The following JAKMIP3 variants were observed in gnomAD, a reference collection of about 807,000 sequenced individuals.
The protein encoded by JAKMIP3 is Janus kinase and microtubule interacting protein 3.
JAKMIP3 carries 58 observed loss-of-function variants against 118.5 expected under a neutral mutation model. That is an observed-to-expected ratio of 0.49 (90% CI 0.40 to 0.61). The LOEUF (loss-of-function observed/expected upper bound fraction) is 0.61. Ranked by LOEUF, JAKMIP3 falls within the 20% of genes least tolerant of loss-of-function variation. The pLI, the probability that JAKMIP3 is intolerant of heterozygous loss-of-function variation, is 0.00. For missense variants in JAKMIP3, 950 were observed against 1,109.0 expected, an observed-to-expected ratio of 0.86 and a Z score of 2.04; for synonymous variants, 486 against 451.2, an observed-to-expected ratio of 1.08 and a Z score of -0.98.
At chr10:132,053,831 G>A (rs551641971) in intron 1 of JAKMIP3, among the ~76,000 whole-genome samples, 9 of 152,074 alleles carry the variant, frequency 5.9e-5, no homozygotes, top group South Asian at 2.1e-4. Context: ...TCAGGAGATC[G>A]AGACCATCCT....
intron 2 of JAKMIP3, among the ~76,000 whole-genome samples, chr10:132,115,979 T>C (rs1352754855): frequency 6.6e-6 from 1 of 152,188 alleles, no homozygotes; most frequent in Non-Finnish European, 1.5e-5. Context: ...GCAAAGCCCT[T>C]GGCAGCAGAG....
chr10:132,080,503 ATTTTTTTTTTTTTTTTTTTTTTTTT>A (rs201838731), intron 1 of JAKMIP3, among the ~76,000 whole-genome samples: 1 of 61,578 alleles, frequency 1.6e-5, no homozygotes, highest in African/African-American at 7.0e-5. Context: ...AAGTTATAGG[ATTTTTTTTTTTTTTTTTTTTTTTTT>A]TTTTTTTTTT....
At chr10:132,103,103 T>G (rs935033892) in intron 1 of JAKMIP3, among the ~76,000 whole-genome samples, 1 of 152,048 alleles carries the variant, frequency 6.6e-6, no homozygotes, top group Non-Finnish European at 1.5e-5. Flanking sequence ...TGCTTGTCCC[T>G]TCTATCCTGG....
intron 23 of JAKMIP3, among the ~76,000 whole-genome samples, chr10:132,169,538 G>A (rs949989043): frequency 6.6e-6 from 1 of 152,176 alleles, no homozygotes; most frequent in African/African-American, 2.4e-5. Context: ...CGCCAGCGGG[G>A]TTCCCTATGG....
At position 132,136,028 on chromosome 10, in the gene JAKMIP3, C is replaced by A. The variant is rs1425623859; in HGVS notation, c.1068C>A (p.Arg356=). 1 of 1,613,616 alleles carries A rather than the reference C, an allele frequency of 6.2e-7. No homozygotes were observed. Among genetic ancestry groups the A allele is most frequent in the Non-Finnish European group, 8.5e-7 (1 of 1,179,870 alleles). Residue 356 remains arginine, a synonymous_variant, in exon 6 of 24, where the codon CGC becomes CGA. Coordinates refer to ENST00000684848, the MANE Select transcript of JAKMIP3 (RefSeq NM_001323087.2). ...RKNEDLSHAL[R]RMENKLKFVT... ...ACGAGGATTTGTCTCATGCTTTACG[C>A]CGAATGGAAAACAAGTTAAAATTTG... is the stretch of plus-strand genomic sequence containing the variant.
intron 8 of JAKMIP3, among the ~76,000 whole-genome samples, chr10:132,137,766 G>A (rs1247365741): frequency 6.6e-6 from 1 of 152,228 alleles, no homozygotes; most frequent in Non-Finnish European, 1.5e-5. Context: ...CACCCCTGCA[G>A]GGTCCGGAGG....
At chr10:132,107,409 G>A (rs184029708) in intron 2 of JAKMIP3, among the ~76,000 whole-genome samples, 83 of 152,288 alleles carry the variant, frequency 5.5e-4, no homozygotes, top group Admixed American at 1.3e-3. Flanking sequence ...CAGGGCCGGC[G>A]TCTGAGGGCT....
chr10:132,093,205 A>T (rs1745461061), intron 1 of JAKMIP3, among the ~76,000 whole-genome samples: 1 of 151,962 alleles, frequency 6.6e-6, no homozygotes, highest in Admixed American at 6.6e-5. Context: ...CAGTTAGGCT[A>T]CTCGGGGGTC....
In JAKMIP3 at chr10:132,044,059, A is replaced by T. The variant is rs2037837253; in HGVS notation, c.-138+7321A>T. 6.6e-6 allele frequency among the ~76,000 whole-genome samples: 1 copy of T among 152,212 alleles called. No homozygotes were observed. Among genetic ancestry groups the T allele is most frequent in the South Asian group, 2.1e-4 (1 of 4,830 alleles). ...TTCAGTAGGCTCTCAGGCAGTTCAG[A>T]TACCGTGTGTGCAGTGGCGCTTGTG... On this transcript the variant is annotated intron_variant, in intron 1 of 23. Transcript: ENST00000657785. This position sits in a 1 kb window ranked among gnomAD's most constrained non-coding sequence, Gnocchi z 5.3.
At chr10:132,115,042 C>T (rs912804569) in intron 2 of JAKMIP3, among the ~76,000 whole-genome samples, 19 of 152,144 alleles carry the variant, frequency 1.2e-4, no homozygotes, top group African/African-American at 3.6e-4. Flanking sequence ...CTGCTGTGAT[C>T]GGGCGAGGGT....
chr10:132,140,803 G>C (rs2135931175), intron 10 of JAKMIP3, among the ~76,000 whole-genome samples: 1 of 152,304 alleles, frequency 6.6e-6, no homozygotes, highest in East Asian at 1.9e-4. Context: ...CATGGCTTGG[G>C]GTGTGGGCTG....
At chr10:132,175,663 G>A (rs1367138036) in intron 23 of JAKMIP3, among the ~76,000 whole-genome samples, 1 of 152,148 alleles carries the variant, frequency 6.6e-6, no homozygotes, top group Non-Finnish European at 1.5e-5. Context: ...ATGCCAATGA[G>A]CAGCCCTGCT....
At chr10:132,114,761 CT>C (rs1256395415) in intron 2 of JAKMIP3, among the ~76,000 whole-genome samples, 1 of 152,144 alleles carries the variant, frequency 6.6e-6, no homozygotes, top group African/African-American at 2.4e-5. Context: ...TATTTAAACG[CT>C]TTTAAATTTC....
At chr10:132,104,076 G>C (rs1051096806) in intron 1 of JAKMIP3, among the ~76,000 whole-genome samples, 2 of 152,198 alleles carry the variant, frequency 1.3e-5, no homozygotes, top group Admixed American at 6.5e-5. Context: ...GTTACAGCTG[G>C]ATAATATTCT....
chr10:132,178,191 G>C (rs1447647246), intron 23 of JAKMIP3, among the ~76,000 whole-genome samples: 1 of 152,282 alleles, frequency 6.6e-6, no homozygotes, highest in African/African-American at 2.4e-5. Context: ...CCTGAGGACT[G>C]TCCCAGGATG....
chr10:132,076,757 C>T (rs2040858746), intron 1 of JAKMIP3, among the ~76,000 whole-genome samples: 1 of 150,834 alleles, frequency 6.6e-6, no homozygotes. Flanking sequence ...TGACTGAAGA[C>T]TGGCCTGAGG....
chr10:132,167,750 T>C (rs2059055967), intron 22 of JAKMIP3, among the ~76,000 whole-genome samples: 1 of 151,986 alleles, frequency 6.6e-6, no homozygotes, highest in Non-Finnish European at 1.5e-5. Flanking sequence ...CCCTTACCCC[T>C]CACTCCAGCC....
intron 1 of JAKMIP3, among the ~76,000 whole-genome samples, chr10:132,043,811 T>A (rs2037830273): frequency 6.6e-6 from 1 of 152,168 alleles, no homozygotes; most frequent in Admixed American, 6.5e-5. Context: ...GCTTCAGGCG[T>A]CGGTGTTAAT....
intron 1 of JAKMIP3, among the ~76,000 whole-genome samples, chr10:132,071,231 A>C (rs2039791804): frequency 6.7e-6 from 1 of 150,200 alleles, no homozygotes; most frequent in East Asian, 1.9e-4. Flanking sequence ...ATATCTTTCT[A>C]TTACGTATTT....
Sources: allele counts gnomAD v4.1 joint callset (sites outside exome capture counted in the v4.1 genomes callset), GRCh38; gene constraint gnomAD v4.1.1; non-coding constraint Gnocchi (gnomAD v3.1); transcripts MANE v1.5; gene names NCBI Gene and HGNC (gene_info 2026-07-23, HGNC 2026-07-21).